Variants in INPP4B observed in about 807,000 individuals in gnomAD.
The protein encoded by INPP4B is inositol polyphosphate-4-phosphatase type II B.
In INPP4B, 55 loss-of-function variants were observed where a neutral mutation model predicts 122.5. The observed-to-expected ratio is 0.45, with a 90% CI of 0.36 to 0.56. The LOEUF is 0.56. INPP4B is among the 20% of genes least tolerant of loss of function. INPP4B has a pLI of 0.00. For missense variants in INPP4B, 1,000 were observed against 1,097.7 expected (o/e 0.91, Z 1.26); for synonymous variants, 403 against 388.7 (o/e 1.04, Z -0.43).
intron 2 of INPP4B, among the ~76,000 whole-genome samples, chr4:142,554,095 A>G (rs1256966125): frequency 6.6e-6 from 1 of 151,282 alleles, no homozygotes; most frequent in Non-Finnish European, 1.5e-5. Flanking sequence ...AGGGTGAGGC[A>G]GGAGAATTGT....
At chr4:142,627,897 T>C (rs13143639) in intron 2 of INPP4B, among the ~76,000 whole-genome samples, 87,975 of 149,952 alleles carry the variant, frequency 0.59, 26,947 homozygotes, top group East Asian at 0.78. Context: ...TCTTTTTGGT[T>C]GGTAAGCTAT....
intron 12 of INPP4B, among the ~76,000 whole-genome samples, chr4:142,235,794 C>T (rs1856464680): frequency 6.6e-6 from 1 of 152,064 alleles, no homozygotes; most frequent in Non-Finnish European, 1.5e-5. Context: ...TTTTTTATTG[C>T]TATATCATAG....
chr4:142,615,653 T>G (rs1270068527), intron 2 of INPP4B, among the ~76,000 whole-genome samples: 1 of 152,082 alleles, frequency 6.6e-6, no homozygotes, highest in African/African-American at 2.4e-5. Flanking sequence ...GAGTCAGTTG[T>G]GCCTAAACTC....
At chr4:142,743,602 T>A (rs1035236499) in intron 1 of INPP4B, among the ~76,000 whole-genome samples, 1 of 151,988 alleles carries the variant, frequency 6.6e-6, no homozygotes, top group African/African-American at 2.4e-5. Flanking sequence ...ACCTCATTAA[T>A]GCAGTCTAAT....
At chr4:142,840,983 CTT>C (rs1783407163) in intron 1 of INPP4B, among the ~76,000 whole-genome samples, 1 of 151,928 alleles carries the variant, frequency 6.6e-6, no homozygotes, top group South Asian at 2.1e-4. Context: ...AAGACATCCT[CTT>C]TTTAAAAACA....
chr4:142,252,921 C>A (rs1475013631), intron 11 of INPP4B, among the ~76,000 whole-genome samples: 2 of 152,094 alleles, frequency 1.3e-5, no homozygotes, highest in African/African-American at 4.8e-5. Context: ...GCAATTTCGT[C>A]ATGGTGCAAA....
chr4:142,132,150 T>TAA (rs1374497847), intron 18 of INPP4B, among the ~76,000 whole-genome samples: 1 of 152,166 alleles, frequency 6.6e-6, no homozygotes, highest in East Asian at 1.9e-4. Flanking sequence ...AAGATATACC[T>TAA]AAGGGACTGA....
intron 18 of INPP4B, among the ~76,000 whole-genome samples, chr4:142,128,376 CACAT>C (rs1193981254): frequency 4.2e-4 from 47 of 110,954 alleles, no homozygotes; most frequent in African/African-American, 1.6e-3. Flanking sequence ...CACACACACA[CACAT>C]ACACACACAT....
intron 2 of INPP4B, among the ~76,000 whole-genome samples, chr4:142,706,194 A>C (rs1479293144): frequency 6.6e-6 from 1 of 152,224 alleles, no homozygotes; most frequent in Non-Finnish European, 1.5e-5. Context: ...CCTGGCTAAC[A>C]CTGTCAGGCC....
At position 142,419,841 on chromosome 4, in the gene INPP4B, C is replaced by G. The variant is rs1352635042; in HGVS notation, c.136+9332G>C. Among the ~76,000 whole-genome samples, 4 of 152,068 alleles carry G rather than the reference C, an allele frequency of 2.6e-5. No individual in the cohort carries two copies. The East Asian group carries it at 7.7e-4, about 29-fold the overall frequency. ...GACTGACAAATTTCAAGCACACAGA[C>G]AGCAACATCAGGGGACCTCTCTCTC... On this transcript the variant is annotated intron_variant, in intron 5 of 25. Transcript: ENST00000262992.
intron 1 of INPP4B, among the ~76,000 whole-genome samples, chr4:142,816,996 G>A (rs1780192080): frequency 6.6e-6 from 1 of 152,094 alleles, no homozygotes; most frequent in African/African-American, 2.4e-5. Flanking sequence ...GATTCATTGA[G>A]TAAAGTTAAT....
chr4:142,486,845 A>G (rs985552356), intron 2 of INPP4B, among the ~76,000 whole-genome samples: 9 of 152,298 alleles, frequency 5.9e-5, no homozygotes, highest in Non-Finnish European at 1.2e-4. Flanking sequence ...ATTGCTAAGA[A>G]TTTCCTCAGT....
intron 1 of INPP4B, among the ~76,000 whole-genome samples, chr4:142,805,961 T>C (rs1408130129): frequency 6.6e-6 from 1 of 151,946 alleles, no homozygotes; most frequent in Non-Finnish European, 1.5e-5. Flanking sequence ...TATGAATAAG[T>C]ATGTCATTCT....
intron 15 of INPP4B, among the ~76,000 whole-genome samples, chr4:142,183,330 T>C (rs1228658118): frequency 6.6e-6 from 1 of 152,252 alleles, no homozygotes; most frequent in Non-Finnish European, 1.5e-5. Flanking sequence ...CAATTATTAA[T>C]GTAAGCCTCA....
At chr4:142,082,914 C>G (rs1774770225) in intron 24 of INPP4B, among the ~76,000 whole-genome samples, 1 of 152,104 alleles carries the variant, frequency 6.6e-6, no homozygotes, top group African/African-American at 2.4e-5. Flanking sequence ...ATCATTTGAG[C>G]TCAAGAGTTT....
intron 2 of INPP4B, among the ~76,000 whole-genome samples, chr4:142,629,083 C>T (rs1747296516): frequency 6.6e-6 from 1 of 151,924 alleles, no homozygotes; most frequent in Non-Finnish European, 1.5e-5. Context: ...TGTTCCCTTC[C>T]AGGACTAAGG....
chr4:142,232,050 C>A (rs1477894469), intron 12 of INPP4B, among the ~76,000 whole-genome samples: 1 of 151,994 alleles, frequency 6.6e-6, no homozygotes, highest in Non-Finnish European at 1.5e-5. Context: ...AATGGCAGAG[C>A]TAAGTAGTAA....
intron 2 of INPP4B, among the ~76,000 whole-genome samples, chr4:142,620,298 A>G (rs1010974405): frequency 2.6e-5 from 4 of 152,052 alleles, no homozygotes; most frequent in Non-Finnish European, 4.4e-5. Context: ...TGTGGTACAT[A>G]TACACCATGG....
chr4:142,032,752 G>C (rs1741126431), intron 25 of INPP4B, among the ~76,000 whole-genome samples: 2 of 152,138 alleles, frequency 1.3e-5, no homozygotes, highest in South Asian at 2.1e-4. Flanking sequence ...CTGTAAAGTG[G>C]TGATAATAAC....
Sources: allele counts gnomAD v4.1 joint callset (sites outside exome capture counted in the v4.1 genomes callset), GRCh38; gene constraint gnomAD v4.1.1; transcripts MANE v1.5; gene names NCBI Gene and HGNC (gene_info 2026-07-23, HGNC 2026-07-21).